AGPS: variants seen among roughly 807,000 people sequenced by gnomAD.
AGPS encodes the protein alkyldihydroxyacetonephosphate synthase, peroxisomal.
In AGPS, 26 loss-of-function variants were observed where a neutral mutation model predicts 90.7. The observed-to-expected ratio is 0.29, with a 90% CI of 0.21 to 0.40. The LOEUF is 0.40. Ranked by LOEUF, AGPS falls within the 10% of genes least tolerant of loss-of-function variation. AGPS has a pLI of 1.00. For synonymous variants in AGPS, 294 were observed against 285.3 expected (o/e 1.03, Z -0.31); for missense variants, 540 against 816.1 (o/e 0.66, Z 4.12).
chr2:177,485,396 G>A (rs544403955), intron 11 of AGPS, among the ~76,000 whole-genome samples: 13 of 152,242 alleles, frequency 8.5e-5, no homozygotes, highest in African/African-American at 3.1e-4. Flanking sequence ...TGGAAATGTT[G>A]ATTTCCAACA....
Position 177,420,362 on chromosome 2 carries a change from A to G in AGPS, c.350+4A>G. 2 of 1,593,268 alleles carry G rather than the reference A, an allele frequency of 1.3e-6. No individual in the cohort carries two copies. The highest frequency in any genetic ancestry group is 8.6e-7 in the Non-Finnish European group (1 of 1,161,786). On this transcript the variant is annotated splice_donor_region_variant and intron_variant, in intron 2 of 19. Coordinates refer to ENST00000264167, the MANE Select transcript of AGPS (RefSeq NM_003659.4). ...AAATTGAATTGACTGGGAAAAGGTA[A>G]CCCTGGTTTATTTCTTCTTTTGTTC...
chr2:177,427,843 T>C (rs1033795561), intron 2 of AGPS, among the ~76,000 whole-genome samples: 3 of 152,204 alleles, frequency 2.0e-5, no homozygotes, highest in Non-Finnish European at 4.4e-5. Flanking sequence ...GTCTATCAAG[T>C]CTGCTTGATC....
chr2:177,497,593 C>T (rs1688446602), intron 12 of AGPS, 96 bp from the exon 13 acceptor site: 2 of 563,228 alleles, frequency 3.6e-6, no homozygotes, highest in Admixed American at 3.6e-5. Flanking sequence ...GTTGTGAAAA[C>T]TTTTACTTTC....
chr2:177,494,884 A>G (rs1268996453), intron 12 of AGPS, among the ~76,000 whole-genome samples: 1 of 152,044 alleles, frequency 6.6e-6, no homozygotes, highest in African/African-American at 2.4e-5. Flanking sequence ...ATATCCTGCC[A>G]TGGCTTCATG....
chr2:177,470,323 A>G (rs1184998803), intron 10 of AGPS, among the ~76,000 whole-genome samples: 2 of 152,220 alleles, frequency 1.3e-5, no homozygotes, highest in Admixed American at 6.5e-5. Flanking sequence ...ACTTTTATCT[A>G]AAAGACTGGG....
intron 9 of AGPS, among the ~76,000 whole-genome samples, chr2:177,466,478 G>A (rs2084233): frequency 0.71 from 107,745 of 152,092 alleles, 38,537 homozygotes; most frequent in Admixed American, 0.78. Flanking sequence ...ACCGGGGACC[G>A]CCCATTTCCG....
At chr2:177,485,471 A>G (rs932192803) in intron 11 of AGPS, among the ~76,000 whole-genome samples, 2 of 152,208 alleles carry the variant, frequency 1.3e-5, no homozygotes, top group African/African-American at 4.8e-5. Flanking sequence ...TGCCCCTGAT[A>G]GAAAGTGACA....
rs539922029 is a variant in AGPS, at chr2:177,436,787, A to T, written c.465A>T (p.Thr155=). ...TSKASLNPSD[T]PPSVVNEDFL... The stretch of plus-strand genomic sequence containing the variant: ...AGGCATCCTTAAATCCTAGTGATAC[A>T]CCTCCTTCTGTTGTAAATGAAGATT... Residue 155 remains threonine (T), a synonymous_variant, in exon 4 of 20, where the codon ACA becomes ACT. Transcript: ENST00000264167. The T allele has an allele frequency of 1.3e-5, 21 of 1,611,632 alleles. No individual in the cohort carries two copies. In the South Asian group the frequency reaches 2.2e-4, roughly 17 times the overall value.
rs60463897 is a variant in AGPS at position 177,482,200 on chromosome 2, T to A, written c.1233+14T>A. On this transcript the variant is annotated intron_variant, in intron 11 of 19. Coordinates refer to ENST00000264167, the MANE Select transcript of AGPS (RefSeq NM_003659.4). ...ATTGCAAAACAGGTAAAAGAAAAAA[T>A]ATATATATATACATACATACATATA... 1,089 of 1,298,452 alleles carry A rather than the reference T, an allele frequency of 8.4e-4. 1 individual carries two copies. In the East Asian group the frequency reaches 0.01, roughly 12 times the overall value. The allele number at this position is 1,298,452 out of a possible 1,614,324, so 80.4% of individuals were successfully genotyped here.
intron 17 of AGPS, among the ~76,000 whole-genome samples, chr2:177,520,142 C>G (rs776766308): frequency 6.6e-6 from 1 of 152,168 alleles, no homozygotes; most frequent in Non-Finnish European, 1.5e-5. Flanking sequence ...GTTTTATCAG[C>G]AAGGTCTTTA....
At chr2:177,460,360 G>T (rs1462058412) in intron 8 of AGPS, among the ~76,000 whole-genome samples, 1 of 152,146 alleles carries the variant, frequency 6.6e-6, no homozygotes, top group Non-Finnish European at 1.5e-5. Flanking sequence ...GGAACCATCA[G>T]TTAAAACAAG....
chr2:177,459,718 G>A (rs1171321760), intron 8 of AGPS, among the ~76,000 whole-genome samples: 1 of 152,088 alleles, frequency 6.6e-6, no homozygotes, highest in Non-Finnish European at 1.5e-5. Flanking sequence ...ATGCTGTTGG[G>A]AGTGTAAATT....
Position 177,416,516 on chromosome 2 carries a change from G to T in AGPS, c.261-3753G>T, listed in dbSNP as rs578156692. Among the ~76,000 whole-genome samples the T allele has an allele frequency of 2.6e-3, 396 of 150,678 alleles. 4 individuals are homozygous for T. The highest frequency in any genetic ancestry group is 9.2e-3 in the African/African-American group (378 of 41,108). On this transcript the variant is annotated intron_variant, in intron 1 of 19. Coordinates refer to ENST00000264167, the MANE Select transcript of AGPS (RefSeq NM_003659.4). Reference sequence around the variant, plus strand: ...CAACTATTCTTTCGGCAGGAGGAGGGTTTTTTTTTGTTTTGTTTTGTTTTT... The same window carrying T: ...CAACTATTCTTTCGGCAGGAGGAGGTTTTTTTTTTGTTTTGTTTTGTTTTT...
rs189440820 is a variant in AGPS at position 177,425,490 on chromosome 2, G to T, written c.350+5132G>T. On this transcript the variant is annotated intron_variant, in intron 2 of 19. Transcript: ENST00000264167. ...ACAAAAATTAGCAGGGCATGGTGGCGCATGCCTATAATCCCAGCTACTCAT... is the reference window on the plus strand; with the variant it reads ...ACAAAAATTAGCAGGGCATGGTGGCTCATGCCTATAATCCCAGCTACTCAT... 5.0e-3 allele frequency among the ~76,000 whole-genome samples: 767 copies of T among 151,980 alleles called. 5 individuals carry two copies. The highest frequency in any genetic ancestry group is 8.0e-3 in the Non-Finnish European group (545 of 67,986).
chr2:177,497,805 A>C, intron 13 of AGPS, 40 bp downstream of exon 13: 2 of 1,139,366 alleles, frequency 1.8e-6, no homozygotes, highest in Non-Finnish European at 2.6e-6. Context: ...TAAATGCTTA[A>C]GATATCTGTT....
At chr2:177,491,120 C>A (rs181142974) in intron 11 of AGPS, among the ~76,000 whole-genome samples, 108 of 129,728 alleles carry the variant, frequency 8.3e-4, no homozygotes, top group African/African-American at 2.9e-3. Context: ...TCCCAAAATG[C>A]TGAGATTATA....
At chr2:177,399,294 T>C (rs1044904814) in intron 1 of AGPS, among the ~76,000 whole-genome samples, 2 of 152,230 alleles carry the variant, frequency 1.3e-5, no homozygotes, top group Admixed American at 1.3e-4. Flanking sequence ...ATTAGTATGT[T>C]AATTTCAACC....
rs779779695 is a variant in AGPS, at chr2:177,468,535, CT to C, written c.1105+12del. The C allele has an allele frequency of 5.1e-6, 8 of 1,571,618 alleles. No individual in the cohort carries two copies. The Middle Eastern group carries it at 5.3e-4, about 104-fold the overall frequency. On this transcript the variant is annotated intron_variant, in intron 10 of 19. Coordinates refer to ENST00000264167, the MANE Select transcript of AGPS (RefSeq NM_003659.4). ...TCATGGGATCTGAAGGTAAATATAA[CT>C]GTAAATTTATTAAGAAAAAATACAG...
intron 10 of AGPS, among the ~76,000 whole-genome samples, chr2:177,472,683 A>G (rs1403515346): frequency 2.0e-5 from 3 of 151,958 alleles, no homozygotes; most frequent in Non-Finnish European, 4.4e-5. Context: ...CTTTCCTGAC[A>G]CTTCTACCCT....
Sources: allele counts gnomAD v4.1 joint callset (sites outside exome capture counted in the v4.1 genomes callset), GRCh38; gene constraint gnomAD v4.1.1; transcripts MANE v1.5; gene names NCBI Gene and HGNC (gene_info 2026-07-23, HGNC 2026-07-21).